Variants in LRBA observed in about 807,000 individuals in gnomAD.
The protein encoded by LRBA is lipopolysaccharide-responsive and beige-like anchor protein.
Under a neutral mutation model 330.0 loss-of-function variants are expected in LRBA, and 176 were observed. That is an observed-to-expected ratio of 0.53 (90% CI 0.47 to 0.60). LRBA has a LOEUF of 0.60. Ranked by LOEUF, LRBA falls within the 20% of genes least tolerant of loss-of-function variation. The probability of loss-of-function intolerance (pLI) is 0.00; values close to 1 mark genes in which losing one functional copy is unlikely to be tolerated. For missense variants in LRBA, 3,259 were observed against 3,444.8 expected, an observed-to-expected ratio of 0.95 and a Z score of 1.35; for synonymous variants, 1,230 against 1,193.0, an observed-to-expected ratio of 1.03 and a Z score of -0.64.
intron 7 of LRBA, 137 bp downstream of exon 7, chr4:150,916,264 G>T: frequency 2.5e-6 from 2 of 801,430 alleles, no homozygotes; most frequent in South Asian, 2.0e-5. Flanking sequence ...ATTATTCAGT[G>T]ATTTACGCTT....
At chr4:150,906,144 G>A (rs986360025) in intron 12 of LRBA, among the ~76,000 whole-genome samples, 153 bp downstream of exon 12, 3 of 152,192 alleles carry the variant, frequency 2.0e-5, no homozygotes, top group African/African-American at 7.2e-5. Context: ...TAGAGGAATG[G>A]AGGCAAGGTA....
chr4:150,739,104 T>C (rs1171857977), intron 35 of LRBA, among the ~76,000 whole-genome samples: 1 of 152,144 alleles, frequency 6.6e-6, no homozygotes, highest in Non-Finnish European at 1.5e-5. Flanking sequence ...AATAAACTTT[T>C]TTTAGTATGA....
At chr4:150,816,970 C>T (rs1483939251) in intron 31 of LRBA, among the ~76,000 whole-genome samples, 154 bp downstream of exon 31, 1 of 151,998 alleles carries the variant, frequency 6.6e-6, no homozygotes, top group East Asian at 1.9e-4. Context: ...TTTAATTTTA[C>T]TCAAATTTAT....
At chr4:150,653,293 C>T (rs1779880434) in intron 37 of LRBA, among the ~76,000 whole-genome samples, 2 of 152,120 alleles carry the variant, frequency 1.3e-5, no homozygotes, top group South Asian at 4.1e-4. Flanking sequence ...AACCTGCCTC[C>T]CCAGAATACT....
chr4:150,487,531 A>G (rs961231197), intron 42 of LRBA, among the ~76,000 whole-genome samples: 2 of 151,624 alleles, frequency 1.3e-5, no homozygotes, highest in Non-Finnish European at 3.0e-5. Context: ...ATAACTTAAA[A>G]CAGTACATTA....
chr4:150,487,519 T>C (rs549492264), intron 42 of LRBA, among the ~76,000 whole-genome samples: 1 of 151,510 alleles, frequency 6.6e-6, no homozygotes, highest in Non-Finnish European at 1.5e-5. Context: ...AAAGAAAACT[T>C]AATAACTTAA....
intron 17 of LRBA, among the ~76,000 whole-genome samples, chr4:150,875,700 CAAAA>C (rs1209859864): frequency 6.6e-6 from 1 of 151,512 alleles, no homozygotes; most frequent in Non-Finnish European, 1.5e-5. Context: ...AGAAAGAAGA[CAAAA>C]AAATAATAAT....
chr4:150,556,734 G>C (rs1343869527), intron 40 of LRBA, among the ~76,000 whole-genome samples: 1 of 152,150 alleles, frequency 6.6e-6, no homozygotes, highest in Non-Finnish European at 1.5e-5. Context: ...ATTTTGAAAA[G>C]ACATCTTTAT....
intron 47 of LRBA, among the ~76,000 whole-genome samples, chr4:150,367,939 G>A (rs181239907): frequency 2.6e-5 from 4 of 151,958 alleles, no homozygotes; most frequent in Non-Finnish European, 5.9e-5. Flanking sequence ...CTCTATCTCT[G>A]GATATTTTCT....
intron 47 of LRBA, among the ~76,000 whole-genome samples, chr4:150,394,634 A>G (rs1019725701): frequency 6.6e-6 from 1 of 152,232 alleles, no homozygotes; most frequent in Admixed American, 6.6e-5. Context: ...TTGTCTTTAC[A>G]TATCAGGACT....
chr4:150,468,483 G>A (rs952827092), intron 43 of LRBA, among the ~76,000 whole-genome samples: 1 of 151,996 alleles, frequency 6.6e-6, no homozygotes, highest in South Asian at 2.1e-4. Flanking sequence ...CAGCAAAAGA[G>A]GAGGTAGTCC....
Position 150,906,288 on chromosome 4 carries a change from A to G in LRBA, c.1602+9T>C, listed in dbSNP as rs1248935652. 3.3e-6 allele frequency: 5 copies of G among 1,506,238 alleles called. No individual in the cohort carries two copies. The highest frequency in any genetic ancestry group is 3.7e-6 in the Non-Finnish European group (4 of 1,087,956). 93.3% of individuals were successfully genotyped at this position (1,506,238 alleles called of 1,614,324 possible). A position where few individuals can be genotyped will look rare whatever the true frequency, so the allele number is the denominator to read the frequency against. On this transcript the variant is annotated intron_variant, in intron 12 of 56. Coordinates refer to ENST00000651943, the MANE Select transcript of LRBA (RefSeq NM_001364905.1). The stretch of plus-strand genomic sequence containing the variant: ...AAGAATCAAAAACATAAAATATTTC[A>G]TACTTTACCTTTTCAAGGCTATATC...
At chr4:150,558,769 T>C (rs574480310) in intron 40 of LRBA, among the ~76,000 whole-genome samples, 1 of 152,252 alleles carries the variant, frequency 6.6e-6, no homozygotes, top group Non-Finnish European at 1.5e-5. Context: ...ACCTATTCTT[T>C]ATTTTTCTAT....
At chr4:150,423,661 GC>G (rs1223726929) in intron 46 of LRBA, 1 of 262,864 alleles carries the variant, frequency 3.8e-6, no homozygotes, top group African/African-American at 2.3e-5. Flanking sequence ...CGGGTGGGCA[GC>G]CCCTTGGCCC....
rs112769666 is a variant in LRBA at position 150,445,315 on chromosome 4, A to G, written c.6781-8451T>C. On this transcript the variant is annotated intron_variant, in intron 44 of 56. Coordinates refer to ENST00000651943, the MANE Select transcript of LRBA (RefSeq NM_001364905.1). ...TATTTGCTTTGAAAGTCATCTGAATATAATAAAACTGGTTTTAATTTCGGA... is the reference window on the plus strand; with the variant it reads ...TATTTGCTTTGAAAGTCATCTGAATGTAATAAAACTGGTTTTAATTTCGGA... Among the ~76,000 whole-genome samples, 1,265 of 149,160 alleles carry G rather than the reference A, an allele frequency of 8.5e-3. 17 individuals are homozygous for G. Among genetic ancestry groups the G allele is most frequent in the African/African-American group, 0.03 (1,201 of 40,696 alleles).
intron 47 of LRBA, among the ~76,000 whole-genome samples, chr4:150,376,907 T>C (rs980502739): frequency 1.3e-5 from 2 of 152,032 alleles, no homozygotes; most frequent in African/African-American, 4.8e-5. Flanking sequence ...GAAGTGAAAT[T>C]TCCCTATATA....
chr4:150,940,230 C>G (rs1247479890), intron 2 of LRBA, among the ~76,000 whole-genome samples: 12 of 105,116 alleles, frequency 1.1e-4, no homozygotes, highest in Non-Finnish European at 2.0e-5. Context: ...ATAGCAAGAC[C>G]TGGTCTCTTA....
chr4:150,821,123 G>C (rs1344661777), intron 30 of LRBA, among the ~76,000 whole-genome samples: 2 of 152,026 alleles, frequency 1.3e-5, no homozygotes, highest in African/African-American at 4.8e-5. Flanking sequence ...TAATGTTTAA[G>C]AACAATTATT....
chr4:150,330,546 C>G (rs993727316), intron 48 of LRBA, among the ~76,000 whole-genome samples: 1 of 152,090 alleles, frequency 6.6e-6, no homozygotes, highest in Non-Finnish European at 1.5e-5. Flanking sequence ...ACCGTTTTAC[C>G]TGAGATGACC....
Sources: gnomAD v4.1 joint callset for allele counts (sites outside exome capture counted in the v4.1 genomes callset) on GRCh38, gnomAD v4.1.1 for gene constraint, MANE v1.5 for transcripts, NCBI Gene and HGNC (gene_info 2026-07-23, HGNC 2026-07-21) for gene names.